Variants in ZPLD1 observed in about 807,000 individuals in gnomAD.
ZPLD1 encodes zona pellucida like domain containing 1.
Under a neutral mutation model 47.2 loss-of-function variants are expected in ZPLD1, and 34 were observed. The observed-to-expected ratio is 0.72, with a 90% confidence interval of 0.55 to 0.96. The LOEUF is 0.96. Ranked by LOEUF, ZPLD1 falls within the 40% of genes least tolerant of loss-of-function variation. The probability of loss-of-function intolerance (pLI) is 0.00; values close to 1 mark genes in which losing one functional copy is unlikely to be tolerated. For synonymous variants in ZPLD1, 176 were observed against 186.2 expected, an observed-to-expected ratio of 0.95 and a Z score of 0.45; for missense variants, 512 against 505.8, an observed-to-expected ratio of 1.01 and a Z score of -0.12.
At chr3:102,458,856 G>A (rs1334303953) in intron 6 of ZPLD1, among the ~76,000 whole-genome samples, 2 of 152,028 alleles carry the variant, frequency 1.3e-5, no homozygotes, top group South Asian at 2.1e-4. Flanking sequence ...TTGGGAGGCC[G>A]AGGCGGGTGG....
intron 11 of ZPLD1, 143 bp from the exon 12 acceptor site, chr3:102,477,300 G>A: frequency 9.8e-7 from 1 of 1,022,358 alleles, no homozygotes; most frequent in Admixed American, 2.3e-5. Context: ...TTGAATTACA[G>A]TCAAATAGAT....
intron 7 of ZPLD1, among the ~76,000 whole-genome samples, chr3:102,399,033 A>C (rs926023357): frequency 6.6e-6 from 1 of 152,152 alleles, no homozygotes; most frequent in Non-Finnish European, 1.5e-5. Context: ...CAAAACAAGA[A>C]CTATGAAAAG....
intron 10 of ZPLD1, among the ~76,000 whole-genome samples, chr3:102,476,631 G>C (rs1208220112): frequency 2.0e-5 from 3 of 151,988 alleles, no homozygotes; most frequent in Non-Finnish European, 4.4e-5. Flanking sequence ...CAGGTTATAG[G>C]GCCATAAAAA....
intron 3 of ZPLD1, among the ~76,000 whole-genome samples, chr3:102,448,108 C>G (rs1428191882): frequency 6.6e-6 from 1 of 151,944 alleles, no homozygotes; most frequent in African/African-American, 2.4e-5. Context: ...TTATTTTTAC[C>G]CTATTCAGTT....
chr3:102,463,150 T>A (rs1431048493), intron 7 of ZPLD1, among the ~76,000 whole-genome samples: 2 of 152,184 alleles, frequency 1.3e-5, no homozygotes, highest in Non-Finnish European at 2.9e-5. Flanking sequence ...GTATTTTTTT[T>A]ATAACATCGG....
intron 7 of ZPLD1, among the ~76,000 whole-genome samples, chr3:102,410,080 C>T (rs749386804): frequency 1.4e-4 from 22 of 151,746 alleles, no homozygotes; most frequent in Non-Finnish European, 2.9e-4. Context: ...TAGTGTTTTA[C>T]CTCCTGTTTT....
intron 10 of ZPLD1, among the ~76,000 whole-genome samples, chr3:102,470,892 C>T (rs1334960981): frequency 6.6e-6 from 1 of 152,042 alleles, no homozygotes. Context: ...GATTCTCCTG[C>T]CTCAGCCTCC....
At chr3:102,442,486 T>C (rs1707196048) in intron 3 of ZPLD1, among the ~76,000 whole-genome samples, 4 of 152,128 alleles carry the variant, frequency 2.6e-5, no homozygotes. Flanking sequence ...TGGGTATTAT[T>C]TAACCCATTT....
At chr3:102,413,730 A>G (rs947644797) in intron 7 of ZPLD1, among the ~76,000 whole-genome samples, 1 of 151,786 alleles carries the variant, frequency 6.6e-6, no homozygotes, top group Non-Finnish European at 1.5e-5. Context: ...TCCCATAGTA[A>G]GAACATATTA....
intron 9 of ZPLD1, among the ~76,000 whole-genome samples, chr3:102,469,521 T>G (rs977714706): frequency 1.3e-5 from 2 of 152,190 alleles, no homozygotes; most frequent in African/African-American, 4.8e-5. Flanking sequence ...AGAGATGAAC[T>G]CCAGCTGTTA....
chr3:102,406,200 C>A (rs1706683345), intron 7 of ZPLD1, among the ~76,000 whole-genome samples: 1 of 151,868 alleles, frequency 6.6e-6, no homozygotes, highest in South Asian at 2.1e-4. Flanking sequence ...AGAGAAAAGT[C>A]TAAATTAACT....
At chr3:102,401,356 T>C (rs557988646) in intron 7 of ZPLD1, among the ~76,000 whole-genome samples, 115 of 152,200 alleles carry the variant, frequency 7.6e-4, no homozygotes, top group African/African-American at 1.4e-3. Flanking sequence ...CAATGTAACA[T>C]TTGACAGGAC....
chr3:102,436,632 T>A (rs1483076080), intron 1 of ZPLD1, among the ~76,000 whole-genome samples: 1 of 152,214 alleles, frequency 6.6e-6, no homozygotes, highest in Middle Eastern at 3.2e-3. Context: ...CTTCTGAGAC[T>A]CATTCTTTTC....
rs1576159553 is a variant in ZPLD1 at position 102,457,727 on chromosome 3, T to C, written c.510-54T>C. The C allele has an allele frequency of 6.0e-6, 9 of 1,512,286 alleles. No homozygotes were observed. In the East Asian group the frequency reaches 2.0e-4, roughly 34 times the overall value. 93.7% of individuals were successfully genotyped at this position (1,512,286 alleles called of 1,614,324 possible). On this transcript the variant is annotated intron_variant, in intron 5 of 11. Transcript: ENST00000466937. Reference sequence around the variant, plus strand: ...GTGCTTTAAGTCTAACATCTAGGTATCACTTTTACTCTAAAATCTCATCAG... The same window carrying C: ...GTGCTTTAAGTCTAACATCTAGGTACCACTTTTACTCTAAAATCTCATCAG...
At chr3:102,402,359 A>G (rs1706631769) in intron 7 of ZPLD1, among the ~76,000 whole-genome samples, 1 of 152,050 alleles carries the variant, frequency 6.6e-6, no homozygotes, top group African/African-American at 2.4e-5. Context: ...CTGTGCTTGT[A>G]AAGCAGTTTT....
chr3:102,433,122 C>T (rs1707036775), upstream of ZPLD1, among the ~76,000 whole-genome samples: 1 of 152,160 alleles, frequency 6.6e-6, no homozygotes, highest in South Asian at 2.1e-4. Context: ...CCCCCCACTC[C>T]CTGGAGAGTA....
At chr3:102,400,279 A>T (rs1706604328) in intron 7 of ZPLD1, among the ~76,000 whole-genome samples, 1 of 152,088 alleles carries the variant, frequency 6.6e-6, no homozygotes, top group Non-Finnish European at 1.5e-5. Flanking sequence ...ATTTTCCTTG[A>T]TGTGCACTTT....
chr3:102,400,452 C>A (rs1706607115), intron 7 of ZPLD1, among the ~76,000 whole-genome samples: 1 of 152,136 alleles, frequency 6.6e-6, no homozygotes, highest in African/African-American at 2.4e-5. Context: ...TTTTCCCTGG[C>A]TGGAGGGTCC....
chr3:102,400,316 T>G (rs1213999113), intron 7 of ZPLD1, among the ~76,000 whole-genome samples: 1 of 152,042 alleles, frequency 6.6e-6, no homozygotes, highest in Non-Finnish European at 1.5e-5. Flanking sequence ...TGTAGGAAAT[T>G]TTATGTTGAA....
Sources: gnomAD v4.1 joint callset for allele counts (sites outside exome capture counted in the v4.1 genomes callset) on GRCh38, gnomAD v4.1.1 for gene constraint, MANE v1.5 for transcripts, NCBI Gene and HGNC (gene_info 2026-07-23, HGNC 2026-07-21) for gene names.